The following LRMDA variants were observed in gnomAD, a reference collection of about 807,000 sequenced individuals.
LRMDA encodes leucine-rich melanocyte differentiation-associated protein.
LRMDA carries 18 observed loss-of-function variants against 29.8 expected under a neutral mutation model. The ratio of observed to expected loss-of-function variants is 0.60; its 90% CI spans 0.42 to 0.90. LRMDA has a LOEUF of 0.90. Among genes scored for constraint, LRMDA ranks in the 40% least tolerant of loss-of-function variants. The pLI is 0.00. For synonymous variants in LRMDA, 125 were observed against 109.4 expected (o/e 1.14, Z -0.89); for missense variants, 273 against 273.9 (o/e 1.00, Z 0.02).
Position 76,375,529 on chromosome 10 carries a change from T to A in LRMDA, c.601+51044T>A, listed in dbSNP as rs920695020. On this transcript the variant is annotated intron_variant, in intron 6 of 6. Transcript: ENST00000611255. ...ATGCTTCGTAGTGTTTTAAAAATGA[T>A]CAACATATTGGACATGGATAACCTA... Among the ~76,000 whole-genome samples, 4 of 152,206 alleles carry A rather than the reference T, an allele frequency of 2.6e-5. No homozygotes were observed. In the East Asian group the frequency reaches 7.7e-4, roughly 29 times the overall value.
At chr10:76,191,944 G>A (rs916298171) in intron 5 of LRMDA, among the ~76,000 whole-genome samples, 1 of 152,130 alleles carries the variant, frequency 6.6e-6, no homozygotes, top group African/African-American at 2.4e-5. Context: ...ACACATGGGA[G>A]GTACAGAAAA....
chr10:76,146,702 T>C (rs2132158743), intron 5 of LRMDA, among the ~76,000 whole-genome samples: 1 of 152,320 alleles, frequency 6.6e-6, no homozygotes, highest in East Asian at 1.9e-4. Flanking sequence ...GTTAATATTG[T>C]TATGTGTGAA....
intron 5 of LRMDA, among the ~76,000 whole-genome samples, chr10:76,108,267 G>A (rs1849520443): frequency 6.6e-6 from 1 of 152,140 alleles, no homozygotes; most frequent in African/African-American, 2.4e-5. Flanking sequence ...TAGAGTCACT[G>A]GGGCAGCTAC....
At chr10:76,195,536 G>C (rs1851318310) in intron 5 of LRMDA, among the ~76,000 whole-genome samples, 1 of 152,128 alleles carries the variant, frequency 6.6e-6, no homozygotes. Flanking sequence ...TATTTATGGA[G>C]GTTTCTTCTT....
intron 6 of LRMDA, among the ~76,000 whole-genome samples, chr10:76,483,402 C>T (rs975577042): frequency 6.6e-6 from 1 of 151,854 alleles, no homozygotes; most frequent in Non-Finnish European, 1.5e-5. Context: ...AGGCAGGGCC[C>T]CATAGGGGAT....
intron 5 of LRMDA, among the ~76,000 whole-genome samples, chr10:76,112,575 G>A (rs1288556245): frequency 6.6e-6 from 1 of 152,250 alleles, no homozygotes; most frequent in Non-Finnish European, 1.5e-5. Flanking sequence ...CAGGTCCGCA[G>A]CCTTCAGCAC....
At chr10:76,556,610 C>T (rs1843561075) in intron 6 of LRMDA, 1 of 152,620 alleles carries the variant, frequency 6.6e-6, no homozygotes, top group Non-Finnish European at 1.5e-5. Context: ...GCCTCGGCCT[C>T]CCAAAGTGCT....
intron 5 of LRMDA, among the ~76,000 whole-genome samples, chr10:76,238,503 G>A (rs1852204646): frequency 1.3e-5 from 2 of 151,210 alleles, no homozygotes; most frequent in South Asian, 4.2e-4. Context: ...CTACCCAGGG[G>A]TCTTCTCCTC....
intron 2 of LRMDA, among the ~76,000 whole-genome samples, chr10:75,672,931 CTGA>C (rs1487308189): frequency 2.0e-5 from 3 of 150,540 alleles, no homozygotes; most frequent in African/African-American, 7.3e-5. Flanking sequence ...CTCGGGCTGC[CTGA>C]TGATGTGATA....
intron 6 of LRMDA, among the ~76,000 whole-genome samples, chr10:76,378,531 T>C (rs1159017692): frequency 6.6e-6 from 1 of 152,126 alleles, no homozygotes; most frequent in East Asian, 1.9e-4. Context: ...GTATATGTCT[T>C]TTATTATTTT....
At chr10:75,936,287 G>T (rs78330812) in intron 2 of LRMDA, among the ~76,000 whole-genome samples, 4,871 of 152,140 alleles carry the variant, frequency 0.032, 147 homozygotes, top group African/African-American at 0.074. Flanking sequence ...CTGGGTCATT[G>T]TTTACTACTA....
intron 2 of LRMDA, among the ~76,000 whole-genome samples, chr10:75,851,901 C>T (rs1406766001): frequency 6.6e-6 from 1 of 152,206 alleles, no homozygotes; most frequent in African/African-American, 2.4e-5. Flanking sequence ...AAGTAATTCA[C>T]CTTTGTAGCA....
chr10:75,771,078 G>C (rs1030814319), intron 2 of LRMDA, among the ~76,000 whole-genome samples: 2 of 152,180 alleles, frequency 1.3e-5, no homozygotes, highest in African/African-American at 4.8e-5. Context: ...ATAGGGAACT[G>C]TCCCTGGGGG....
intron 5 of LRMDA, among the ~76,000 whole-genome samples, chr10:76,302,024 T>G (rs1419547823): frequency 6.6e-6 from 1 of 152,212 alleles, no homozygotes; most frequent in Non-Finnish European, 1.5e-5. Flanking sequence ...TATCTGCATA[T>G]TTTTAGCCCC....
At chr10:75,853,301 A>G (rs1029620077) in intron 2 of LRMDA, among the ~76,000 whole-genome samples, 8 of 152,178 alleles carry the variant, frequency 5.3e-5, no homozygotes, top group African/African-American at 1.9e-4. Flanking sequence ...TGGCCAGTAC[A>G]GTAAATGTAC....
Position 76,475,325 on chromosome 10 carries a change from C to T in LRMDA, c.602-81884C>T, listed in dbSNP as rs562534500. Among the ~76,000 whole-genome samples the T allele has an allele frequency of 2.2e-4, 34 of 151,820 alleles. 1 individual carries two copies. The highest frequency in any genetic ancestry group is 5.3e-4 in the African/African-American group (22 of 41,484). ...ATATATTTTAACGTAGTAAATTTTA[C>T]GCTATGTTTATTATATCTCAATAAA... On this transcript the variant is annotated intron_variant, in intron 6 of 6. Coordinates refer to ENST00000611255, the MANE Select transcript of LRMDA (RefSeq NM_001305581.2).
chr10:75,785,828 C>T (rs1843462618), intron 2 of LRMDA, among the ~76,000 whole-genome samples: 1 of 152,194 alleles, frequency 6.6e-6, no homozygotes, highest in African/African-American at 2.4e-5. Flanking sequence ...ATACCAGTAC[C>T]CCTGCCTTCG....
intron 5 of LRMDA, among the ~76,000 whole-genome samples, chr10:76,256,131 C>A (rs1373112500): frequency 1.3e-5 from 2 of 152,160 alleles, no homozygotes; most frequent in Non-Finnish European, 2.9e-5. Context: ...GTTGGCTTGT[C>A]TTGGTCCAGA....
chr10:76,163,576 T>A (rs1438939691), intron 5 of LRMDA, among the ~76,000 whole-genome samples: 1 of 152,138 alleles, frequency 6.6e-6, no homozygotes, highest in Non-Finnish European at 1.5e-5. Context: ...ACAGAAGACA[T>A]CTTTCTATGT....
Sources: allele counts gnomAD v4.1 joint callset (sites outside exome capture counted in the v4.1 genomes callset), GRCh38; gene constraint gnomAD v4.1.1; transcripts MANE v1.5; gene names NCBI Gene and HGNC (gene_info 2026-07-23, HGNC 2026-07-21).